ETV6: variants seen among roughly 807,000 people sequenced by gnomAD.
The protein encoded by ETV6 is ETS variant transcription factor 6.
ETV6 carries 16 observed loss-of-function variants against 51.1 expected under a neutral mutation model. That is an observed-to-expected ratio of 0.31 (90% confidence interval 0.21 to 0.48). The LOEUF (loss-of-function observed/expected upper bound fraction) is 0.48, where lower values mean the gene tolerates loss of function less well. ETV6 is among the 20% of genes least tolerant of loss of function. ETV6 has a pLI of 0.99. For synonymous variants in ETV6, 240 were observed against 224.1 expected (o/e 1.07, Z -0.64); for missense variants, 458 against 594.8 (o/e 0.77, Z 2.39).
intron 5 of ETV6, among the ~76,000 whole-genome samples, chr12:11,880,435 A>G (rs933354332): frequency 2.6e-5 from 4 of 152,216 alleles, no homozygotes; most frequent in African/African-American, 9.7e-5. Flanking sequence ...TGATAAGTAG[A>G]TAACATTCTA....
chr12:11,881,560 C>G (rs924268355), intron 5 of ETV6, among the ~76,000 whole-genome samples: 1 of 152,174 alleles, frequency 6.6e-6, no homozygotes, highest in Non-Finnish European at 1.5e-5. Context: ...TGTGTCTTCA[C>G]TTGGTGGAAG....
rs549397141 is a variant in ETV6, at chr12:11,820,168, C to T, written c.164-18972C>T. On this transcript the variant is annotated intron_variant, in intron 2 of 7. Transcript: ENST00000396373. Reference sequence around the variant, plus strand: ...GCACAGAAAGGTAAGGCACCTTGCACAAGGTCACACAGCTAGGAAGTGGGA... The same window carrying T: ...GCACAGAAAGGTAAGGCACCTTGCATAAGGTCACACAGCTAGGAAGTGGGA... Among the ~76,000 whole-genome samples, 7 of 152,330 alleles carry T rather than the reference C, an allele frequency of 4.6e-5. No individual in the cohort carries two copies. In the South Asian group the frequency reaches 1.5e-3, roughly 32 times the overall value.
chr12:11,806,988 G>A (rs989285115), intron 2 of ETV6, among the ~76,000 whole-genome samples: 1 of 152,242 alleles, frequency 6.6e-6, no homozygotes, highest in Non-Finnish European at 1.5e-5. Flanking sequence ...GTGTTCCACC[G>A]ATTAAATCAG....
chr12:11,874,471 C>T (rs71443680), intron 5 of ETV6, among the ~76,000 whole-genome samples: 559 of 2,958 alleles, frequency 0.19, 232 homozygotes, highest in African/African-American at 0.23. Context: ...TATACACACA[C>T]ACGTGTATGT....
At chr12:11,872,070 A>G (rs1009268848) in intron 5 of ETV6, among the ~76,000 whole-genome samples, 3 of 152,200 alleles carry the variant, frequency 2.0e-5, no homozygotes, top group Non-Finnish European at 4.4e-5. Flanking sequence ...GTGCAGCAGT[A>G]CTTGACATTT....
At chr12:11,739,424 A>T (rs1481811377) in intron 1 of ETV6, among the ~76,000 whole-genome samples, 2 of 152,224 alleles carry the variant, frequency 1.3e-5, no homozygotes, top group Non-Finnish European at 2.9e-5. Flanking sequence ...GGGGATGGTG[A>T]GTGCAGCAGA....
chr12:11,839,611 G>T, intron 3 of ETV6, among the ~76,000 whole-genome samples: 1 of 152,316 alleles, frequency 6.6e-6, no homozygotes, highest in South Asian at 2.1e-4. Flanking sequence ...TGGCCGTGGT[G>T]GCTCACTCCT....
chr12:11,723,716 A>C (rs537431227), intron 1 of ETV6, among the ~76,000 whole-genome samples: 1 of 152,140 alleles, frequency 6.6e-6, no homozygotes, highest in Admixed American at 6.5e-5. Context: ...TCCTTGACCA[A>C]CACATTGGTA....
In ETV6 at chr12:11,850,583, A is replaced by G. The variant is rs377101929; in HGVS notation, c.329-2844A>G. On this transcript the variant is annotated intron_variant, in intron 3 of 7. Transcript: ENST00000396373. ...GGTAGTGGTGGTGGTAGTAAAATCA[A>G]TGACTAGTGTTTACTGAGCTTTTCC... Among the ~76,000 whole-genome samples the G allele has an allele frequency of 2.8e-3, 430 of 152,306 alleles. 17 individuals carry two copies. The South Asian group carries it at 0.077, about 27-fold the overall frequency.
At chr12:11,782,802 G>T (rs1945431131) in intron 2 of ETV6, among the ~76,000 whole-genome samples, 1 of 152,214 alleles carries the variant, frequency 6.6e-6, no homozygotes, top group African/African-American at 2.4e-5. Flanking sequence ...ATAACCTCAG[G>T]TGTGTTGACA....
intron 1 of ETV6, among the ~76,000 whole-genome samples, chr12:11,713,075 G>A (rs1865202705): frequency 6.6e-6 from 1 of 152,152 alleles, no homozygotes; most frequent in Admixed American, 6.5e-5. Context: ...TGACCAGGTG[G>A]GTGATGAATT....
intron 1 of ETV6, among the ~76,000 whole-genome samples, chr12:11,731,084 T>G (rs1865587007): frequency 6.6e-6 from 1 of 152,216 alleles, no homozygotes; most frequent in African/African-American, 2.4e-5. Flanking sequence ...TGGGAAGTGC[T>G]GCTGGGGAGA....
rs779994835 is a variant in ETV6, at chr12:11,869,857, G to T, written c.897G>T (p.Arg299Ser). 32 of 1,613,118 alleles carry T rather than the reference G, an allele frequency of 2.0e-5. No homozygotes were observed. Among genetic ancestry groups the T allele is most frequent in the Admixed American group, 1.0e-4 (6 of 60,008 alleles). ...GGCTCTCCGAGGACGGGCTGCATAG[G>T]GAAGGGAAGCCCATCAACCTCTCTC... is the stretch of plus-strand genomic sequence containing the variant. Reference protein sequence around the residue: ...QSRLSEDGLHREGKPINLSHR... With the variant: ...QSRLSEDGLHSEGKPINLSHR... Residue 299 changes from arginine (R) to serine (S), a missense_variant, in exon 5 of 8, where the codon AGG becomes AGT. Coordinates refer to ENST00000396373, the MANE Select transcript of ETV6 (RefSeq NM_001987.5). This position sits in a 1 kb window ranked among gnomAD's most constrained non-coding sequence, Gnocchi z 5.0.
intron 5 of ETV6, among the ~76,000 whole-genome samples, chr12:11,878,066 G>A (rs1269496352): frequency 6.6e-6 from 1 of 152,126 alleles, no homozygotes; most frequent in Non-Finnish European, 1.5e-5. Context: ...TATTTCCTTG[G>A]AGATTTACTT....
chr12:11,765,346 A>T (rs1218015559), intron 2 of ETV6, among the ~76,000 whole-genome samples: 1 of 152,170 alleles, frequency 6.6e-6, no homozygotes. Flanking sequence ...GGGCCGTCTT[A>T]GATCCTCATC....
chr12:11,815,805 AG>A (rs34946685), intron 2 of ETV6, among the ~76,000 whole-genome samples: 73,953 of 151,984 alleles, frequency 0.49, 18,032 homozygotes, highest in East Asian at 0.53. Context: ...TGACGGGCAG[AG>A]GGACAGTATG....
chr12:11,746,094 G>A (rs564266080), intron 1 of ETV6, among the ~76,000 whole-genome samples: 45 of 152,334 alleles, frequency 3.0e-4, no homozygotes, highest in African/African-American at 1.0e-3. Flanking sequence ...GAAGGTAGGT[G>A]CCTTGGCTTA....
intron 1 of ETV6, among the ~76,000 whole-genome samples, chr12:11,734,268 T>C (rs73288792): frequency 0.05 from 7,676 of 152,212 alleles, 623 homozygotes; most frequent in African/African-American, 0.18. Context: ...AATTAGGTGA[T>C]AGCTTGAGCC....
intron 1 of ETV6, among the ~76,000 whole-genome samples, chr12:11,683,836 T>A (rs1864578697): frequency 6.6e-6 from 1 of 152,194 alleles, no homozygotes; most frequent in Non-Finnish European, 1.5e-5. Context: ...CTTTTTTTCC[T>A]GTGGCATTCT....
Sources: gnomAD v4.1 joint callset for allele counts (sites outside exome capture counted in the v4.1 genomes callset) on GRCh38, gnomAD v4.1.1 for gene constraint, Gnocchi (gnomAD v3.1) non-coding constraint, MANE v1.5 for transcripts, NCBI Gene and HGNC (gene_info 2026-07-23, HGNC 2026-07-21) for gene names.